POLRMT: variants seen among roughly 807,000 people sequenced by gnomAD.
POLRMT encodes RNA polymerase mitochondrial, also known as DNA-directed RNA polymerase, mitochondrial.
A neutral mutation model predicts 132.2 loss-of-function variants in POLRMT; 114 were observed. The observed-to-expected ratio is 0.86, with a 90% CI of 0.74 to 1.01. The LOEUF (loss-of-function observed/expected upper bound fraction) is 1.01. Among genes scored for constraint, POLRMT ranks in the 50% least tolerant of loss-of-function variants. The pLI is 0.00. For synonymous variants in POLRMT, 1,020 were observed against 773.4 expected (o/e 1.32, Z -5.29); for missense variants, 2,003 against 1,729.1 (o/e 1.16, Z -2.81).
intron 10 of POLRMT, 71 bp from the exon 11 acceptor site, chr19:620,558 C>T (rs1260227052): frequency 9.0e-6 from 13 of 1,450,138 alleles, no homozygotes; most frequent in South Asian, 5.8e-5. Context: ...GGCTGTGTTG[C>T]GGGGAGGTGG....
chr19:631,640 G>GA (rs965337839), intron 2 of POLRMT, among the ~76,000 whole-genome samples: 45 of 150,422 alleles, frequency 3.0e-4, no homozygotes, highest in African/African-American at 8.8e-4. Flanking sequence ...TCCGTCTCAA[G>GA]AAAAAAAAAA....
At position 621,173 on chromosome 19, in the gene POLRMT, T is replaced by C. The variant is rs55797255; in HGVS notation, c.2525A>G (p.Lys842Arg). 21 of 1,610,820 alleles carry C rather than the reference T, an allele frequency of 1.3e-5. No individual in the cohort carries two copies. The South Asian group carries it at 1.8e-4, about 13-fold the overall frequency. Residue 842 changes from lysine (K) to arginine (R), a missense_variant, in exon 10 of 21, where the codon AAG (lysine) becomes AGG (arginine). Physicochemically the swap from Lys to Arg is conservative, Grantham distance 26. Transcript: ENST00000588649. ...CCCCGTGAGATTGACCAGGTGGATCTTGAGCCAATCCAGGCCGTGCGGGCC... is the reference window on the plus strand; with the variant it reads ...CCCCGTGAGATTGACCAGGTGGATCCTGAGCCAATCCAGGCCGTGCGGGCC... ...PLGPHGLDWL[K>R]IHLVNLTGLK...
intron 2 of POLRMT, among the ~76,000 whole-genome samples, chr19:632,487 G>C (rs1157318874): frequency 2.6e-5 from 4 of 151,206 alleles, no homozygotes; most frequent in African/African-American, 7.3e-5. Flanking sequence ...AGCTGAGTCA[G>C]TTCAGGGTTC....
chr19:623,409 G>A (rs755237985), intron 6 of POLRMT, 45 bp downstream of exon 6: 6 of 1,593,890 alleles, frequency 3.8e-6, no homozygotes, highest in Admixed American at 3.4e-5. Flanking sequence ...ACGCGACCCC[G>A]GCTCAGCCCC....
chr19:625,343 C>T (rs562166190), intron 3 of POLRMT, 89 bp from the exon 4 acceptor site: 1 of 1,553,504 alleles, frequency 6.4e-7, no homozygotes, highest in Non-Finnish European at 8.8e-7. Context: ...TCTGTAGCCA[C>T]CAGCTCAGCA....
rs1459498731 is a variant in POLRMT, at chr19:617,618, G to C, written c.3533C>G (p.Pro1178Arg). ...REQFVRLHSE[P>R]ILQDLSRFLV... is the part of the protein sequence containing the mutation. ...GAATCTGGACAGGTCCTGCAGGATG[G>C]GCTCGCTGTGCAAGCGGACAAACTG... Residue 1178 changes from proline (P) to arginine (R), a missense_variant, in exon 19 of 21, where the codon CCC (proline) becomes CGC (arginine). Pro to Arg is a moderately radical substitution (Grantham distance 103, BLOSUM62 -2). Transcript: ENST00000588649. The C allele has an allele frequency of 1.2e-6, 2 of 1,612,230 alleles. No homozygotes were observed. Among genetic ancestry groups the C allele is most frequent in the Non-Finnish European group, 1.7e-6 (2 of 1,179,972 alleles).
intron 2 of POLRMT, among the ~76,000 whole-genome samples, chr19:632,022 C>G (rs1240150819): frequency 6.6e-6 from 1 of 152,172 alleles, no homozygotes; most frequent in Non-Finnish European, 1.5e-5. Context: ...ATCCGCCCGC[C>G]TCGGCCTCCC....
chr19:618,851 T>A (rs117015462), intron 15 of POLRMT, 91 bp from the exon 16 acceptor site: 29 of 1,456,180 alleles, frequency 2.0e-5, no homozygotes, highest in Non-Finnish European at 2.6e-5. Flanking sequence ...AGTGGCACGC[T>A]AGGATGGTGG....
chr19:633,309 G>T, intron 1 of POLRMT, 116 bp downstream of exon 1: 1 of 1,255,042 alleles, frequency 8.0e-7, no homozygotes, highest in Non-Finnish European at 1.0e-6. Context: ...CGGGTCGGTG[G>T]GCTGCGCACG....
intron 8 of POLRMT, 23 bp from the exon 9 acceptor site, chr19:622,396 C>A (rs1188947424): frequency 2.0e-6 from 3 of 1,526,068 alleles, no homozygotes; most frequent in African/African-American, 1.4e-5. Flanking sequence ...GCGGTCAGGG[C>A]GCTGGGCACC....
At chr19:631,967 GT>G (rs1985449503) in intron 2 of POLRMT, among the ~76,000 whole-genome samples, 3 of 152,168 alleles carry the variant, frequency 2.0e-5, no homozygotes, top group African/African-American at 7.2e-5. Flanking sequence ...TAGAGACAGT[GT>G]TTCACCATGT....
chr19:629,448 T>G, intron 3 of POLRMT, 92 bp downstream of exon 3: 1 of 1,247,638 alleles, frequency 8.0e-7, no homozygotes, highest in Non-Finnish European at 1.1e-6. Context: ...GACTTGAACC[T>G]GGGGGCTAAG....
intron 3 of POLRMT, 37 bp from the exon 4 acceptor site, chr19:625,291 G>C: frequency 6.2e-7 from 1 of 1,610,942 alleles, no homozygotes; most frequent in African/African-American, 1.3e-5. Context: ...CTGGGGGGAT[G>C]GCCCAACCTC....
At chr19:624,998 C>T in intron 4 of POLRMT, 93 bp from the exon 5 acceptor site, 1 of 1,524,988 alleles carries the variant, frequency 6.6e-7, no homozygotes, top group Non-Finnish European at 8.8e-7. Flanking sequence ...TCCTGCTAGC[C>T]TGCAGGTCTC....
At position 617,794 on chromosome 19, in the gene POLRMT, C is replaced by T. The variant is rs1236947327; in HGVS notation, c.3478G>A (p.Val1160Ile). 1 of 1,613,272 alleles carries T rather than the reference C, an allele frequency of 6.2e-7. No homozygotes were observed. Among genetic ancestry groups the T allele is most frequent in the East Asian group, 2.2e-5 (1 of 44,894 alleles). Reference protein sequence around the residue: ...HDCYWTHAADVSVMNQVCREQ... With the variant: ...HDCYWTHAADISVMNQVCREQ... Reference sequence around the variant, plus strand: ...GGGGGCACCTGGTTCATGACGGAGACATCAGCTGCGTGAGTCCAGTAACAG... The same window carrying T: ...GGGGGCACCTGGTTCATGACGGAGATATCAGCTGCGTGAGTCCAGTAACAG... Residue 1160 changes from valine to isoleucine, a missense_variant, in exon 18 of 21, where the codon GTC becomes ATC. Coordinates refer to ENST00000588649, the MANE Select transcript of POLRMT (RefSeq NM_005035.4).
At chr19:632,735 A>G (rs771120985) in intron 2 of POLRMT, 99 bp downstream of exon 2, 20 of 1,042,694 alleles carry the variant, frequency 1.9e-5, no homozygotes, top group Non-Finnish European at 2.7e-5. Context: ...AGAGGTGGAG[A>G]CCGCCCTCAG....
intron 3 of POLRMT, among the ~76,000 whole-genome samples, chr19:626,228 G>GTT (rs1441409809): frequency 6.6e-6 from 1 of 151,246 alleles, no homozygotes; most frequent in Non-Finnish European, 1.5e-5. Context: ...TCAGCTCACT[G>GTT]TCAACCTCCG....
chr19:626,696 C>CAA (rs59746130), intron 3 of POLRMT, among the ~76,000 whole-genome samples: 11,251 of 104,920 alleles, frequency 0.11, 1,264 homozygotes, highest in East Asian at 0.26. Flanking sequence ...ACTAAAAATA[C>CAA]AAAAAAAAAA....
Position 625,084 on chromosome 19 carries a change from G to A in POLRMT, c.953+40C>T. ...GTCCCAGATCTTAAAACCCTGGGAG[G>A]GACATGGTGGGGGGTGGGGGCCCTC... On this transcript the variant is annotated intron_variant, in intron 4 of 20. Transcript: ENST00000588649. 4 of 1,596,280 alleles carry A rather than the reference G, an allele frequency of 2.5e-6. No individual in the cohort carries two copies. The Admixed American group carries it at 5.1e-5, about 20-fold the overall frequency.
Sources: gnomAD v4.1 joint callset for allele counts (sites outside exome capture counted in the v4.1 genomes callset) on GRCh38, gnomAD v4.1.1 for gene constraint, MANE v1.5 for transcripts, NCBI Gene and HGNC (gene_info 2026-07-23, HGNC 2026-07-21) for gene names.